The following THSD4 variants were observed in gnomAD, a reference collection of about 807,000 sequenced individuals.
The protein encoded by THSD4 is thrombospondin type-1 domain-containing protein 4.
Under a neutral mutation model 119.0 loss-of-function variants are expected in THSD4, and 69 were observed. That is an observed-to-expected ratio of 0.58 (90% CI 0.48 to 0.71). The LOEUF (loss-of-function observed/expected upper bound fraction) is 0.71, where lower values mean the gene tolerates loss of function less well. Ranked by LOEUF, THSD4 falls within the 30% of genes least tolerant of loss-of-function variation. The pLI is 0.00. For missense variants in THSD4, 1,393 were observed against 1,391.1 expected (o/e 1.00, Z -0.02); for synonymous variants, 524 against 540.4 (o/e 0.97, Z 0.42).
chr15:71,383,429 A>G (rs1463823893), intron 6 of THSD4, among the ~76,000 whole-genome samples: 4 of 152,218 alleles, frequency 2.6e-5, no homozygotes, highest in African/African-American at 4.8e-5. Context: ...GCCCAAATCA[A>G]GAAAGAAGGT....
intron 5 of THSD4, 104 bp downstream of exon 5, chr15:71,243,200 C>T: frequency 9.2e-7 from 1 of 1,091,632 alleles, no homozygotes; most frequent in Non-Finnish European, 1.3e-6. Flanking sequence ...GTGTCTGGGC[C>T]ATGTTAACAC....
chr15:71,478,210 A>T (rs1210142569), intron 7 of THSD4, among the ~76,000 whole-genome samples: 2 of 152,234 alleles, frequency 1.3e-5, no homozygotes, highest in Non-Finnish European at 2.9e-5. Flanking sequence ...ATTATAGCTT[A>T]CATCAGAAAG....
At chr15:71,423,428 G>T (rs2046833204) in intron 7 of THSD4, among the ~76,000 whole-genome samples, 1 of 152,128 alleles carries the variant, frequency 6.6e-6, no homozygotes, top group African/African-American at 2.4e-5. Flanking sequence ...TGCCAGGACT[G>T]GGTCCTTCCC....
At chr15:71,393,012 T>G (rs1376187037) in intron 6 of THSD4, among the ~76,000 whole-genome samples, 1 of 152,210 alleles carries the variant, frequency 6.6e-6, no homozygotes, top group Non-Finnish European at 1.5e-5. Context: ...CAAGGGAACC[T>G]CCGTTTCTCA....
At chr15:71,733,824 A>C (rs1221027752) in intron 10 of THSD4, 1 of 150,588 alleles carries the variant, frequency 6.6e-6, no homozygotes, top group South Asian at 2.1e-4. Context: ...AGAGACTAAG[A>C]CACGAGAATC....
chr15:71,131,920 C>G (rs1251306043), intron 1 of THSD4, among the ~76,000 whole-genome samples: 1 of 152,182 alleles, frequency 6.6e-6, no homozygotes, highest in Non-Finnish European at 1.5e-5. Flanking sequence ...GAAAAAGGGT[C>G]CCCAGATGCC....
intron 1 of THSD4, among the ~76,000 whole-genome samples, chr15:71,126,672 C>T (rs1332382764): frequency 6.6e-6 from 1 of 152,096 alleles, no homozygotes; most frequent in Non-Finnish European, 1.5e-5. Context: ...TTGAAGCGGC[C>T]ATCATAAAAA....
intron 7 of THSD4, among the ~76,000 whole-genome samples, chr15:71,506,939 T>C (rs370997414): frequency 2.0e-4 from 30 of 152,238 alleles, no homozygotes; most frequent in East Asian, 1.7e-3. Flanking sequence ...CTGTAAGTTT[T>C]CCTAGGCAGG....
upstream of THSD4, chr15:71,110,872 T>A: frequency 2.2e-6 from 1 of 451,124 alleles, no homozygotes; most frequent in Non-Finnish European, 4.0e-6. Context: ...GGAAAGTGAC[T>A]GATCAGCCAT....
intron 6 of THSD4, among the ~76,000 whole-genome samples, chr15:71,339,116 G>A (rs1317609609): frequency 1.3e-5 from 2 of 152,086 alleles, no homozygotes; most frequent in African/African-American, 4.8e-5. Flanking sequence ...CTTTTTGTTA[G>A]CTTTGTGTTC....
At chr15:71,408,756 A>G (rs2046641922) in intron 6 of THSD4, among the ~76,000 whole-genome samples, 1 of 151,992 alleles carries the variant, frequency 6.6e-6, no homozygotes, top group Admixed American at 6.6e-5. Flanking sequence ...GGAGGCTGAG[A>G]TGGGATGACG....
intron 3 of THSD4, among the ~76,000 whole-genome samples, chr15:71,156,007 G>A (rs1313877170): frequency 6.6e-6 from 1 of 152,134 alleles, no homozygotes; most frequent in Non-Finnish European, 1.5e-5. Context: ...GGCTTTGTGT[G>A]TTTTATAGTA....
At chr15:71,551,044 G>C (rs2048918696) in intron 7 of THSD4, among the ~76,000 whole-genome samples, 1 of 152,152 alleles carries the variant, frequency 6.6e-6, no homozygotes, top group African/African-American at 2.4e-5. Flanking sequence ...AATGTTCTAT[G>C]AGCCACCTGT....
chr15:71,744,681 G>T (rs936624993), intron 11 of THSD4, among the ~76,000 whole-genome samples: 14 of 152,136 alleles, frequency 9.2e-5, no homozygotes, highest in African/African-American at 2.9e-4. Flanking sequence ...TCTCTAGAAC[G>T]AAGCTTGGCC....
chr15:71,582,472 AT>A (rs2049577970), intron 7 of THSD4, among the ~76,000 whole-genome samples: 1 of 151,874 alleles, frequency 6.6e-6, no homozygotes, highest in Admixed American at 6.6e-5. Context: ...GATGCCTTTT[AT>A]TTCTTTTTCT....
At chr15:71,098,471 CCAGGCTGGT>C (rs1250598997) in intron 1 of THSD4, among the ~76,000 whole-genome samples, 5 of 152,088 alleles carry the variant, frequency 3.3e-5, no homozygotes, top group African/African-American at 1.2e-4. Context: ...GCCATATTGT[CCAGGCTGGT>C]CTTAAATTGC....
intron 4 of THSD4, among the ~76,000 whole-genome samples, chr15:71,218,525 A>G (rs1302320702): frequency 1.3e-5 from 2 of 152,114 alleles, no homozygotes; most frequent in African/African-American, 4.8e-5. Context: ...GGCCAGTTAA[A>G]CTGTTTACTA....
At chr15:71,736,255 CTCTCTG>C (rs1205270011) in intron 10 of THSD4, among the ~76,000 whole-genome samples, 39 of 150,782 alleles carry the variant, frequency 2.6e-4, no homozygotes, top group African/African-American at 9.3e-4. Context: ...ATCTCTCTTG[CTCTCTG>C]TCTCTGTCTC....
At chr15:71,268,673 G>GT (rs34513059) in intron 6 of THSD4, among the ~76,000 whole-genome samples, 53,187 of 138,698 alleles carry the variant, frequency 0.38, 11,070 homozygotes, top group Middle Eastern at 0.56. Flanking sequence ...TCCAGGAACT[G>GT]TTTTTTTTTT....
Sources: allele counts gnomAD v4.1 joint callset (sites outside exome capture counted in the v4.1 genomes callset), GRCh38; gene constraint gnomAD v4.1.1; transcripts MANE v1.5; gene names NCBI Gene and HGNC (gene_info 2026-07-23, HGNC 2026-07-21).